Variants in KIAA1549 observed in about 807,000 individuals in gnomAD.
KIAA1549 encodes KIAA1549, also known as UPF0606 protein KIAA1549.
KIAA1549 carries 70 observed loss-of-function variants against 156.4 expected under a neutral mutation model. The ratio of observed to expected loss-of-function variants is 0.45; its 90% CI spans 0.37 to 0.55. KIAA1549 has a LOEUF of 0.55. Among genes scored for constraint, KIAA1549 ranks in the 20% least tolerant of loss-of-function variants. The pLI, the probability that KIAA1549 is intolerant of heterozygous loss-of-function variation, is 0.00. For synonymous variants in KIAA1549, 1,103 were observed against 1,066.4 expected, an observed-to-expected ratio of 1.03 and a Z score of -0.67; for missense variants, 2,428 against 2,540.9, an observed-to-expected ratio of 0.96 and a Z score of 0.96.
intron 2 of KIAA1549, among the ~76,000 whole-genome samples, 161 bp from the exon 3 acceptor site, chr7:138,912,621 T>C (rs933395562): frequency 7.2e-5 from 11 of 152,050 alleles, no homozygotes; most frequent in Admixed American, 5.2e-4. Flanking sequence ...GTTAAGGATC[T>C]AGTTGCTGCT....
At chr7:138,900,891 A>G (rs1000170477) in intron 8 of KIAA1549, among the ~76,000 whole-genome samples, 1 of 152,240 alleles carries the variant, frequency 6.6e-6, no homozygotes, top group African/African-American at 2.4e-5. Flanking sequence ...AAGAACCATG[A>G]GCCAAATAAA....
chr7:138,844,080 G>T (rs1002375389), intron 18 of KIAA1549, among the ~76,000 whole-genome samples: 2 of 152,168 alleles, frequency 1.3e-5, no homozygotes, highest in Non-Finnish European at 2.9e-5. Flanking sequence ...TTTCCTGGAG[G>T]AAGCGTGCCG....
At chr7:138,925,788 C>T (rs1252097957) in intron 1 of KIAA1549, among the ~76,000 whole-genome samples, 1 of 131,226 alleles carries the variant, frequency 7.6e-6, no homozygotes, top group Non-Finnish European at 1.5e-5. Flanking sequence ...TAAGACTGTG[C>T]CACTGTACTC....
At chr7:138,911,750 A>C (rs1812175975) in intron 3 of KIAA1549, among the ~76,000 whole-genome samples, 1 of 152,258 alleles carries the variant, frequency 6.6e-6, no homozygotes, top group Non-Finnish European at 1.5e-5. Flanking sequence ...TTTCAACATG[A>C]AGTCAATACA....
intron 10 of KIAA1549, among the ~76,000 whole-genome samples, chr7:138,885,053 G>A (rs984420201): frequency 3.3e-5 from 5 of 152,142 alleles, no homozygotes; most frequent in African/African-American, 1.2e-4. Flanking sequence ...AAATTAGACG[G>A]GCGTGGTGGC....
At chr7:138,977,273 T>C (rs1416640858) in intron 1 of KIAA1549, among the ~76,000 whole-genome samples, 4 of 152,130 alleles carry the variant, frequency 2.6e-5, no homozygotes, top group Admixed American at 2.6e-4. Flanking sequence ...TACATATCTA[T>C]GCCACAACAG....
rs1056139838 is a variant in KIAA1549 at position 138,894,536 on chromosome 7, AG to A, written c.3848-11del. ...TTCACCCTGTCGACAGCTGCAGACA[AG>A]GAAGAAAGGTCTTTCAATAATTCCT... On this transcript the variant is annotated splice_polypyrimidine_tract_variant and intron_variant, in intron 9 of 19. Transcript: ENST00000422774. 1.5e-5 allele frequency: 25 copies of A among 1,613,598 alleles called. No homozygotes were observed. Among genetic ancestry groups the A allele is most frequent in the Non-Finnish European group, 2.1e-5 (25 of 1,179,572 alleles).
chr7:138,898,075 A>G (rs1430156645), intron 9 of KIAA1549, among the ~76,000 whole-genome samples: 1 of 151,734 alleles, frequency 6.6e-6, no homozygotes, highest in Non-Finnish European at 1.5e-5. Flanking sequence ...TTGGGAGGCC[A>G]AGGCAGGCAG....
In KIAA1549 at chr7:138,836,323, G is replaced by C. The variant is rs1238966372; in HGVS notation, c.*1583C>G. ...ACCATTGTGTTCAGTACAGTAACAT[G>C]CTGTACAGGTTTGTAGCCTAAGAGG... On this transcript the variant is annotated 3_prime_UTR_variant, in exon 20 of 20. Transcript: ENST00000422774. The C allele has an allele frequency of 4.8e-6, 1 of 207,234 alleles. No homozygotes were observed. The highest frequency in any genetic ancestry group is 7.3e-5 in the East Asian group (1 of 13,626). 12.8% of individuals were successfully genotyped at this position (207,234 alleles called of 1,614,324 possible).
intron 8 of KIAA1549, among the ~76,000 whole-genome samples, chr7:138,900,012 G>C (rs1011956870): frequency 6.6e-6 from 1 of 152,134 alleles, no homozygotes; most frequent in Non-Finnish European, 1.5e-5. Context: ...CCTGAGAAAA[G>C]GATCAGCGAG....
chr7:138,912,643 G>A (rs759735550), intron 2 of KIAA1549, among the ~76,000 whole-genome samples, 183 bp from the exon 3 acceptor site: 19 of 152,024 alleles, frequency 1.2e-4, no homozygotes, highest in Admixed American at 1.3e-4. Flanking sequence ...ACTACCTGGA[G>A]AAGAACAGCA....
At chr7:138,979,329 GA>G (rs1814470307) in intron 1 of KIAA1549, among the ~76,000 whole-genome samples, 2 of 152,200 alleles carry the variant, frequency 1.3e-5, no homozygotes, top group Admixed American at 1.3e-4. Flanking sequence ...AAAGTTACCA[GA>G]AGCACTTATA....
intron 10 of KIAA1549, among the ~76,000 whole-genome samples, chr7:138,892,046 A>C (rs1002536314): frequency 2.6e-5 from 4 of 152,246 alleles, no homozygotes; most frequent in Non-Finnish European, 4.4e-5. Flanking sequence ...CAGTGTCAGA[A>C]GACAGTTATT....
chr7:138,845,233 A>AT (rs11422912), intron 17 of KIAA1549, among the ~76,000 whole-genome samples: 107,978 of 151,948 alleles, frequency 0.71, 38,664 homozygotes, highest in East Asian at 0.91. Flanking sequence ...GAAATTAACT[A>AT]TTCATCAATC....
rs1293918672 is a variant in KIAA1549, at chr7:138,836,533, T to C, written c.*1373A>G. Reference sequence around the variant, plus strand: ...AATAAAAACAGGTTAATAGTGAAAATCTCTTAGCTAAGCCTGCTTTTCTTC... The same window carrying C: ...AATAAAAACAGGTTAATAGTGAAAACCTCTTAGCTAAGCCTGCTTTTCTTC... On this transcript the variant is annotated 3_prime_UTR_variant, in exon 20 of 20. Transcript: ENST00000422774. 3.2e-5 allele frequency: 7 copies of C among 216,158 alleles called. No individual in the cohort carries two copies. Among genetic ancestry groups the C allele is most frequent in the Non-Finnish European group, 6.5e-5 (7 of 107,496 alleles). 13.4% of individuals were successfully genotyped at this position (216,158 alleles called of 1,614,324 possible).
At chr7:138,840,965 A>G (rs1026050817) in intron 18 of KIAA1549, among the ~76,000 whole-genome samples, 2 of 152,348 alleles carry the variant, frequency 1.3e-5, no homozygotes, top group African/African-American at 4.8e-5. Flanking sequence ...GGCATTTCCT[A>G]AGAGCAACAG....
At chr7:138,880,706 T>A (rs1811216818) in intron 11 of KIAA1549, among the ~76,000 whole-genome samples, 1 of 152,190 alleles carries the variant, frequency 6.6e-6, no homozygotes, top group South Asian at 2.1e-4. Context: ...CTCTGTCTTC[T>A]TTCACAGAGC....
chr7:138,870,526 C>T (rs1307171865), intron 13 of KIAA1549, among the ~76,000 whole-genome samples: 1 of 152,220 alleles, frequency 6.6e-6, no homozygotes, highest in Non-Finnish European at 1.5e-5. Context: ...AGACCCCCTG[C>T]CCCCAGAGTG....
chr7:138,894,861 C>T (rs78216268), intron 9 of KIAA1549, among the ~76,000 whole-genome samples: 242 of 152,242 alleles, frequency 1.6e-3, no homozygotes, highest in African/African-American at 5.6e-3. Context: ...ATTTCCACAC[C>T]AAAACTGGTT....
Sources: allele counts gnomAD v4.1 joint callset (sites outside exome capture counted in the v4.1 genomes callset), GRCh38; gene constraint gnomAD v4.1.1; transcripts MANE v1.5; gene names NCBI Gene and HGNC (gene_info 2026-07-23, HGNC 2026-07-21).